The following TMEM178B variants were observed in gnomAD, a reference collection of about 807,000 sequenced individuals.
TMEM178B encodes the protein transmembrane protein 178B.
Under a neutral mutation model 31.0 loss-of-function variants are expected in TMEM178B, and 5 were observed. The ratio of observed to expected loss-of-function variants is 0.16; its 90% confidence interval spans 0.08 to 0.34. The LOEUF (loss-of-function observed/expected upper bound fraction) is 0.34, where lower values mean the gene tolerates loss of function less well. Ranked by LOEUF, TMEM178B falls within the 10% of genes least tolerant of loss-of-function variation. TMEM178B has a pLI of 1.00. For missense variants in TMEM178B, 275 were observed against 400.3 expected (o/e 0.69, Z 2.67); for synonymous variants, 164 against 164.0 (o/e 1.00, Z 0.00).
At chr7:141,465,433 C>T (rs1029444404) in intron 3 of TMEM178B, among the ~76,000 whole-genome samples, 17 of 152,104 alleles carry the variant, frequency 1.1e-4, no homozygotes, top group Admixed American at 8.5e-4. Context: ...CAGTTTGCCA[C>T]CAAACCACAG....
chr7:141,498,741 C>T, the TMEM178B span, among the ~76,000 whole-genome samples: 38 of 152,126 alleles, frequency 2.5e-4, no homozygotes, highest in African/African-American at 9.2e-4. Context: ...GCCACTAAAG[C>T]GAGGAATCCA....
intron 2 of TMEM178B, among the ~76,000 whole-genome samples, chr7:141,326,860 C>T (rs1012993793): frequency 9.2e-5 from 14 of 152,152 alleles, no homozygotes; most frequent in Admixed American, 8.5e-4. Context: ...ATGTGTTGTC[C>T]GATATGGTAG....
At chr7:141,143,345 T>C (rs1433862079) in intron 1 of TMEM178B, among the ~76,000 whole-genome samples, 2 of 152,236 alleles carry the variant, frequency 1.3e-5, no homozygotes, top group African/African-American at 4.8e-5. Flanking sequence ...TTTCATAATT[T>C]GAAGTCTTAC....
chr7:141,375,708 G>A (rs1800200916), intron 2 of TMEM178B, among the ~76,000 whole-genome samples: 1 of 152,194 alleles, frequency 6.6e-6, no homozygotes, highest in East Asian at 1.9e-4. Flanking sequence ...AGGAAGCCAT[G>A]GTTATTGTGG....
At chr7:141,115,116 C>A (rs760739230) in intron 1 of TMEM178B, among the ~76,000 whole-genome samples, 1 of 152,098 alleles carries the variant, frequency 6.6e-6, no homozygotes, top group Non-Finnish European at 1.5e-5. Flanking sequence ...GATCTTGGCT[C>A]ACTGCAACCT....
chr7:141,176,236 T>C (rs1020767825), intron 1 of TMEM178B, among the ~76,000 whole-genome samples: 3 of 152,228 alleles, frequency 2.0e-5, no homozygotes, highest in African/African-American at 7.2e-5. Context: ...TTGTCATTGG[T>C]TCTGTTTATG....
Position 141,437,720 on chromosome 7 carries a change from G to T in TMEM178B, c.609G>T (p.Val203=), listed in dbSNP as rs1407925306. The part of the protein sequence containing the change: ...CCWDRGLMQY[V]AGLLFLMGGT... ...GGGACCGAGGCCTTATGCAGTACGTGGCAGGGCTGCTCTTCCTCATGGGAG... is the reference window on the plus strand; with the variant it reads ...GGGACCGAGGCCTTATGCAGTACGTTGCAGGGCTGCTCTTCCTCATGGGAG... The change falls in exon 3 of 4, where the codon GTG becomes GTT. Residue 203 remains valine (V), a synonymous_variant. Transcript: ENST00000565468. The T allele has an allele frequency of 6.5e-7, 1 of 1,536,180 alleles. No homozygotes were observed. The highest frequency in any genetic ancestry group is 1.2e-5 in the South Asian group (1 of 84,060).
intron 2 of TMEM178B, among the ~76,000 whole-genome samples, chr7:141,405,308 G>A (rs1218006636): frequency 2.0e-5 from 3 of 152,228 alleles, no homozygotes; most frequent in Non-Finnish European, 4.4e-5. Context: ...CCAAGGGCTC[G>A]GCCTGGCTAG....
At chr7:141,509,311 G>A in the TMEM178B span, among the ~76,000 whole-genome samples, 1 of 152,204 alleles carries the variant, frequency 6.6e-6, no homozygotes, top group African/African-American at 2.4e-5. Flanking sequence ...AGGGAGGATA[G>A]AAAATTTCAG....
intron 2 of TMEM178B, among the ~76,000 whole-genome samples, chr7:141,269,961 A>C (rs1461502020): frequency 6.6e-6 from 1 of 152,148 alleles, no homozygotes; most frequent in East Asian, 1.9e-4. Context: ...GCTACTCAGA[A>C]GGCTGAGGCA....
intron 2 of TMEM178B, among the ~76,000 whole-genome samples, chr7:141,349,293 A>G (rs1341017607): frequency 6.6e-6 from 1 of 152,168 alleles, no homozygotes; most frequent in East Asian, 1.9e-4. Context: ...GACACTATGT[A>G]TATTTATATG....
At chr7:141,105,478 G>A (rs1795128784) in intron 1 of TMEM178B, among the ~76,000 whole-genome samples, 1 of 152,146 alleles carries the variant, frequency 6.6e-6, no homozygotes, top group African/African-American at 2.4e-5. Context: ...CTGTATTCTA[G>A]CCTGGGCAAC....
chr7:141,305,141 A>G (rs923951921), intron 2 of TMEM178B, among the ~76,000 whole-genome samples: 10 of 152,162 alleles, frequency 6.6e-5, no homozygotes, highest in Non-Finnish European at 1.2e-4. Context: ...GGGCTTTCCA[A>G]ACTATGAACC....
intron 2 of TMEM178B, among the ~76,000 whole-genome samples, chr7:141,331,152 A>G (rs1346235640): frequency 1.3e-5 from 2 of 152,224 alleles, no homozygotes; most frequent in East Asian, 1.9e-4. Context: ...CAAGTGGACT[A>G]CAAGTCTTGA....
At chr7:141,099,969 G>A (rs569823739) in intron 1 of TMEM178B, among the ~76,000 whole-genome samples, 14 of 151,740 alleles carry the variant, frequency 9.2e-5, no homozygotes, top group African/African-American at 3.1e-4. Context: ...ACAGGCACCC[G>A]CCACCACACC....
intron 1 of TMEM178B, among the ~76,000 whole-genome samples, chr7:141,172,803 A>G (rs1030580968): frequency 2.0e-5 from 3 of 152,248 alleles, no homozygotes; most frequent in Non-Finnish European, 4.4e-5. Flanking sequence ...TCTCAAAGCA[A>G]AAATCGTCAT....
intron 1 of TMEM178B, among the ~76,000 whole-genome samples, chr7:141,159,135 T>C (rs1796124984): frequency 6.6e-6 from 1 of 152,130 alleles, no homozygotes. Context: ...TCTATCCCCA[T>C]CTGATGGTTG....
rs1358774696 is a variant in TMEM178B at position 141,422,121 on chromosome 7, G to T, written c.497-15487G>T. 6.6e-6 allele frequency among the ~76,000 whole-genome samples: 1 copy of T among 152,032 alleles called. No homozygotes were observed. On this transcript the variant is annotated intron_variant, in intron 2 of 3. Coordinates refer to ENST00000565468, the MANE Select transcript of TMEM178B (RefSeq NM_001195278.2). This position sits in a 1 kb window ranked among gnomAD's most constrained non-coding sequence, Gnocchi z 4.2. ...ATCTGTTCAGCTTCTTTATTTTTACGATTCTACCTGCTCCCTGTTAACCCT... is the reference window on the plus strand; with the variant it reads ...ATCTGTTCAGCTTCTTTATTTTTACTATTCTACCTGCTCCCTGTTAACCCT...
chr7:141,094,655 C>T (rs905560033), intron 1 of TMEM178B, among the ~76,000 whole-genome samples: 5 of 152,186 alleles, frequency 3.3e-5, no homozygotes, highest in African/African-American at 7.2e-5. Context: ...AGTGCATCCT[C>T]AAACCTCTCT....
Sources: gnomAD v4.1 joint callset for allele counts (sites outside exome capture counted in the v4.1 genomes callset) on GRCh38, gnomAD v4.1.1 for gene constraint, Gnocchi (gnomAD v3.1) non-coding constraint, MANE v1.5 for transcripts, NCBI Gene and HGNC (gene_info 2026-07-23, HGNC 2026-07-21) for gene names.